PAPPA: variants seen among roughly 807,000 people sequenced by gnomAD.
PAPPA encodes the protein pappalysin 1.
PAPPA carries 60 observed loss-of-function variants against 164.0 expected under a neutral mutation model. The observed-to-expected ratio is 0.37, with a 90% CI of 0.30 to 0.45. PAPPA has a LOEUF of 0.45. PAPPA is among the 20% of genes least tolerant of loss of function. The pLI, the probability that PAPPA is intolerant of heterozygous loss-of-function variation, is 1.00. For missense variants in PAPPA, 1,782 were observed against 2,087.3 expected, an observed-to-expected ratio of 0.85 and a Z score of 2.85; for synonymous variants, 875 against 814.1, an observed-to-expected ratio of 1.07 and a Z score of -1.27.
At chr9:116,164,729 A>C (rs1283170741) in intron 1 of PAPPA, among the ~76,000 whole-genome samples, 1 of 152,182 alleles carries the variant, frequency 6.6e-6, no homozygotes, top group Non-Finnish European at 1.5e-5. Context: ...AAATGCATTT[A>C]TATGGAGGGG....
In PAPPA at chr9:116,347,637, T is replaced by G. The variant is rs1297610960; in HGVS notation, c.3964+428T>G. Among the ~76,000 whole-genome samples the G allele has an allele frequency of 6.6e-6, 1 of 152,164 alleles. No individual in the cohort carries two copies. ...TGAGGAAACCAAGCCTCAGAGGGTT[T>G]AAAGAACTTGCCCAAGGCTGCACCA... On this transcript the variant is annotated intron_variant, in intron 15 of 21. Transcript: ENST00000328252. This position sits in a 1 kb window ranked among gnomAD's most constrained non-coding sequence, Gnocchi z 4.5.
At chr9:116,303,663 G>T (rs538727455) in intron 10 of PAPPA, among the ~76,000 whole-genome samples, 2 of 152,266 alleles carry the variant, frequency 1.3e-5, no homozygotes, top group African/African-American at 4.8e-5. Flanking sequence ...ACACGACTCA[G>T]TGCTTCTGGC....
intron 7 of PAPPA, among the ~76,000 whole-genome samples, chr9:116,240,398 T>A (rs553659147): frequency 4.0e-4 from 61 of 152,274 alleles, no homozygotes; most frequent in Non-Finnish European, 8.2e-4. Flanking sequence ...AAGTCTAAAC[T>A]TAGAACTAGA....
chr9:116,341,253 C>T (rs1350342631), intron 13 of PAPPA, among the ~76,000 whole-genome samples: 1 of 152,042 alleles, frequency 6.6e-6, no homozygotes, highest in Non-Finnish European at 1.5e-5. Flanking sequence ...GGTGGCCAGG[C>T]TGGTCTTGAA....
intron 13 of PAPPA, among the ~76,000 whole-genome samples, chr9:116,337,398 G>T (rs1405183326): frequency 6.6e-6 from 1 of 152,144 alleles, no homozygotes; most frequent in Admixed American, 6.6e-5. Flanking sequence ...ACATGCAAAT[G>T]CATTAAAACA....
Position 116,227,443 on chromosome 9 carries a change from A to G in PAPPA, c.2124A>G (p.Ser708=), listed in dbSNP as rs1450055194. The change falls in exon 6 of 22, where the codon TCA becomes TCG. Residue 708 remains serine (S), a synonymous_variant. Coordinates refer to ENST00000328252, the MANE Select transcript of PAPPA (RefSeq NM_002581.5). The part of the protein sequence containing the change: ...DGHFFERELG[S]ACHLCLEGRI... ...CTTGGCCTCCTAGAGAATTGGGATC[A>G]GCATGTCATCTTTGCCTGGAAGGGA... is the stretch of plus-strand genomic sequence containing the variant. 6.2e-7 allele frequency: 1 copy of G among 1,614,072 alleles called. No homozygotes were observed. The highest frequency in any genetic ancestry group is 1.1e-5 in the South Asian group (1 of 91,076).
At chr9:116,297,276 C>T (rs1161659731) in intron 9 of PAPPA, among the ~76,000 whole-genome samples, 2 of 152,292 alleles carry the variant, frequency 1.3e-5, no homozygotes, top group South Asian at 2.1e-4. Context: ...AGAGAATACA[C>T]ATTATCTCAG....
At chr9:116,241,871 C>CT (rs924423840) in intron 7 of PAPPA, among the ~76,000 whole-genome samples, 10 of 151,330 alleles carry the variant, frequency 6.6e-5, no homozygotes, top group African/African-American at 1.5e-4. Context: ...TTCTTTCTTC[C>CT]TTTTTTTTTC....
chr9:116,187,214 C>G lies in PAPPA; in HGVS notation c.476C>G (p.Thr159Ser). ...CGAGGATGGGTCGTGGGCATTCACA[C>G]CATCAGTGACCAAGACAACAAAGAC... ...RDRGWVVGIH[T>S]ISDQDNKDPR... The change falls in exon 2 of 22, where the codon ACC becomes AGC. Residue 159 changes from threonine to serine, a missense_variant. Transcript: ENST00000328252. The surrounding 1 kb of genome is among the most constrained non-coding windows in gnomAD (Gnocchi z 4.2). The G allele has an allele frequency of 6.2e-7, 1 of 1,614,170 alleles. No homozygotes were observed.
chr9:116,266,047 G>A (rs561289693), intron 8 of PAPPA, 62 bp downstream of exon 8: 59 of 1,454,118 alleles, frequency 4.1e-5, no homozygotes, highest in Non-Finnish European at 5.1e-5. Context: ...AGATGGTTAG[G>A]GTGCTGAACA....
At chr9:116,245,940 A>C (rs1321990831) in intron 7 of PAPPA, among the ~76,000 whole-genome samples, 1 of 152,216 alleles carries the variant, frequency 6.6e-6, no homozygotes. Flanking sequence ...CATATTTTCT[A>C]TCCCACTTAT....
At chr9:116,237,877 G>T (rs571772863) in intron 7 of PAPPA, among the ~76,000 whole-genome samples, 1 of 151,842 alleles carries the variant, frequency 6.6e-6, no homozygotes, top group Non-Finnish European at 1.5e-5. Flanking sequence ...GCACCACCAC[G>T]CTGGGCTAAT....
intron 3 of PAPPA, among the ~76,000 whole-genome samples, 157 bp from the exon 4 acceptor site, chr9:116,211,482 C>T (rs1238783788): frequency 6.6e-6 from 1 of 152,128 alleles, no homozygotes; most frequent in East Asian, 1.9e-4. Context: ...ATGATTCATG[C>T]CATAGGTTGT....
chr9:116,161,108 G>C (rs1373284867), intron 1 of PAPPA, among the ~76,000 whole-genome samples: 49 of 152,188 alleles, frequency 3.2e-4, no homozygotes, highest in Non-Finnish European at 1.9e-4. Flanking sequence ...TAGAAAGTGA[G>C]AGATGTGAGG....
chr9:116,226,124 G>T (rs1844504607), intron 5 of PAPPA, among the ~76,000 whole-genome samples: 2 of 152,170 alleles, frequency 1.3e-5, no homozygotes, highest in Non-Finnish European at 2.9e-5. Flanking sequence ...CAACATGATA[G>T]GTAGACAGAG....
intron 4 of PAPPA, among the ~76,000 whole-genome samples, chr9:116,215,296 C>A (rs557871014): frequency 6.6e-6 from 1 of 152,150 alleles, no homozygotes; most frequent in South Asian, 2.1e-4. Context: ...GCTTGCCTTG[C>A]CTGATTGTAG....
intron 3 of PAPPA, among the ~76,000 whole-genome samples, chr9:116,208,611 C>G (rs926986624): frequency 6.6e-6 from 1 of 152,190 alleles, no homozygotes; most frequent in Non-Finnish European, 1.5e-5. Context: ...ACATCTTTAT[C>G]TGAGAATGTT....
intron 1 of PAPPA, among the ~76,000 whole-genome samples, chr9:116,181,076 TA>T (rs2118612699): frequency 6.6e-6 from 1 of 152,274 alleles, no homozygotes; most frequent in African/African-American, 2.4e-5. Context: ...AGCAATTGAG[TA>T]AATTGAGACA....
intron 10 of PAPPA, among the ~76,000 whole-genome samples, chr9:116,304,191 T>TC (rs1845615508): frequency 6.6e-6 from 1 of 152,208 alleles, no homozygotes; most frequent in African/African-American, 2.4e-5. Flanking sequence ...TCTGTCTGGC[T>TC]CCCCCATTAG....
Sources: allele counts gnomAD v4.1 joint callset (sites outside exome capture counted in the v4.1 genomes callset), GRCh38; gene constraint gnomAD v4.1.1; non-coding constraint Gnocchi (gnomAD v3.1); transcripts MANE v1.5; gene names NCBI Gene and HGNC (gene_info 2026-07-23, HGNC 2026-07-21).